NCAM1: variants seen among roughly 807,000 people sequenced by gnomAD.
The protein encoded by NCAM1 is antigen recognized by monoclonal antibody 5.1H11.
Under a neutral mutation model 109.8 loss-of-function variants are expected in NCAM1, and 14 were observed. The observed-to-expected ratio is 0.13, with a 90% CI of 0.08 to 0.20. The LOEUF (loss-of-function observed/expected upper bound fraction) is 0.20. Among genes scored for constraint, NCAM1 ranks in the 10% least tolerant of loss-of-function variants. NCAM1 has a pLI of 1.00. For missense variants in NCAM1, 774 were observed against 1,109.9 expected, an observed-to-expected ratio of 0.70 and a Z score of 4.30; for synonymous variants, 418 against 442.9, an observed-to-expected ratio of 0.94 and a Z score of 0.70.
chr11:112,994,531 C>G (rs1465477489), intron 1 of NCAM1, among the ~76,000 whole-genome samples: 1 of 152,138 alleles, frequency 6.6e-6, no homozygotes, highest in Non-Finnish European at 1.5e-5. Flanking sequence ...TTTGATACAT[C>G]TTCTTGTATT....
intron 5 of NCAM1, 98 bp downstream of exon 5, chr11:113,206,278 C>T: frequency 7.8e-7 from 1 of 1,284,020 alleles, no homozygotes; most frequent in Non-Finnish European, 1.1e-6. Flanking sequence ...AAATTAAATC[C>T]TGTCCTGACT....
chr11:113,125,545 G>A (rs1349603919), intron 1 of NCAM1, among the ~76,000 whole-genome samples: 1 of 152,142 alleles, frequency 6.6e-6, no homozygotes, highest in African/African-American at 2.4e-5. Context: ...CCCTTTACAC[G>A]CTATTGGCTT....
intron 1 of NCAM1, among the ~76,000 whole-genome samples, chr11:113,124,974 C>T (rs1267280351): frequency 3.9e-5 from 6 of 152,174 alleles, no homozygotes; most frequent in Non-Finnish European, 7.3e-5. Context: ...CTGGTGGTAC[C>T]TCCAATATAA....
chr11:113,197,703 T>TA (rs1555111093), intron 1 of NCAM1, among the ~76,000 whole-genome samples: 1 of 152,174 alleles, frequency 6.6e-6, no homozygotes, highest in African/African-American at 2.4e-5. Context: ...GGGAGAGACT[T>TA]TGGTTCCCTG....
At chr11:113,029,040 C>T (rs1371695358) in intron 1 of NCAM1, among the ~76,000 whole-genome samples, 1 of 152,164 alleles carries the variant, frequency 6.6e-6, no homozygotes, top group Non-Finnish European at 1.5e-5. Flanking sequence ...AGAACAAAAG[C>T]ATCTTTTCTG....
intron 1 of NCAM1, among the ~76,000 whole-genome samples, chr11:112,964,147 TTTTTTTTG>T (rs1457857388): frequency 4.6e-3 from 6 of 1,318 alleles, no homozygotes; most frequent in African/African-American, 0.019. Flanking sequence ...TTTGTTTTTT[TTTTTTTTG>T]TTTTTTTTTT....
At chr11:113,249,875 T>G (rs1945614971) in intron 15 of NCAM1, among the ~76,000 whole-genome samples, 2 of 152,250 alleles carry the variant, frequency 1.3e-5, no homozygotes, top group Middle Eastern at 3.4e-3. Context: ...CAACACATAC[T>G]CTCACATTCA....
intron 1 of NCAM1, among the ~76,000 whole-genome samples, chr11:113,129,039 T>A (rs782790025): frequency 2.0e-5 from 3 of 151,976 alleles, no homozygotes; most frequent in African/African-American, 4.8e-5. Flanking sequence ...ATTAAACCCA[T>A]CTTTATTTTT....
intron 1 of NCAM1, among the ~76,000 whole-genome samples, chr11:112,964,441 T>G (rs564442234): frequency 1.2e-4 from 18 of 152,312 alleles, no homozygotes; most frequent in African/African-American, 4.1e-4. Flanking sequence ...CATGTTTACT[T>G]GATAATTTTG....
At chr11:113,016,841 G>A (rs1418378247) in intron 1 of NCAM1, among the ~76,000 whole-genome samples, 2 of 152,208 alleles carry the variant, frequency 1.3e-5, no homozygotes, top group African/African-American at 4.8e-5. Flanking sequence ...GGGGACATGT[G>A]TGAAAGCAGT....
chr11:113,164,756 C>T (rs188952397), intron 1 of NCAM1, among the ~76,000 whole-genome samples: 30 of 152,224 alleles, frequency 2.0e-4, no homozygotes, highest in African/African-American at 7.0e-4. Context: ...CCCAGAAACC[C>T]TCTGAACCCT....
At chr11:113,261,006 G>T (rs1555123250) in intron 17 of NCAM1, among the ~76,000 whole-genome samples, 1 of 152,012 alleles carries the variant, frequency 6.6e-6, no homozygotes, top group Non-Finnish European at 1.5e-5. Context: ...AACCTTGCTG[G>T]TCTCCTTTTT....
intron 1 of NCAM1, among the ~76,000 whole-genome samples, chr11:113,049,842 G>A (rs1555081507): frequency 6.6e-6 from 1 of 152,194 alleles, no homozygotes; most frequent in East Asian, 1.9e-4. Context: ...GACAAAGCGT[G>A]CTTGAGGGCC....
intron 1 of NCAM1, among the ~76,000 whole-genome samples, chr11:113,201,608 G>A (rs367739160): frequency 2.0e-4 from 30 of 152,358 alleles, no homozygotes; most frequent in African/African-American, 6.7e-4. Context: ...GAGATCTGGC[G>A]CAGTGTATTT....
chr11:113,097,551 T>C (rs1939656130), intron 1 of NCAM1, among the ~76,000 whole-genome samples: 1 of 151,870 alleles, frequency 6.6e-6, no homozygotes, highest in African/African-American at 2.4e-5. Context: ...ACTGCCAGCT[T>C]CATTGGGAAC....
At chr11:112,994,577 A>G (rs1951542446) in intron 1 of NCAM1, among the ~76,000 whole-genome samples, 1 of 152,218 alleles carries the variant, frequency 6.6e-6, no homozygotes, top group Non-Finnish European at 1.5e-5. Flanking sequence ...TTTAGCCCAC[A>G]GTGATGGGAC....
At chr11:113,020,174 A>C (rs1293544492) in intron 1 of NCAM1, among the ~76,000 whole-genome samples, 1 of 152,200 alleles carries the variant, frequency 6.6e-6, no homozygotes, top group Non-Finnish European at 1.5e-5. Context: ...TGATTTGAGC[A>C]GTTTTTCAGC....
At chr11:112,973,998 T>G (rs1440267200) in intron 1 of NCAM1, among the ~76,000 whole-genome samples, 3 of 152,110 alleles carry the variant, frequency 2.0e-5, no homozygotes, top group Non-Finnish European at 2.9e-5. Flanking sequence ...TGCATAGGGT[T>G]AATATCAAAT....
At chr11:113,158,100 A>G (rs114848869) in intron 1 of NCAM1, among the ~76,000 whole-genome samples, 2,399 of 152,314 alleles carry the variant, frequency 0.016, 62 homozygotes, top group African/African-American at 0.054. Context: ...TATATATAAT[A>G]TCTAAAAATT....
Sources: allele counts gnomAD v4.1 joint callset (sites outside exome capture counted in the v4.1 genomes callset), GRCh38; gene constraint gnomAD v4.1.1; transcripts MANE v1.5; gene names NCBI Gene and HGNC (gene_info 2026-07-23, HGNC 2026-07-21).